ADGRL2: variants seen among roughly 807,000 people sequenced by gnomAD.
ADGRL2 encodes the protein adhesion G protein-coupled receptor L2.
ADGRL2 carries 44 observed loss-of-function variants against 157.4 expected under a neutral mutation model. The observed-to-expected ratio is 0.28, with a 90% CI of 0.22 to 0.36. ADGRL2 has a LOEUF of 0.36. Ranked by LOEUF, ADGRL2 falls within the 10% of genes least tolerant of loss-of-function variation. The probability of loss-of-function intolerance (pLI) is 1.00; values close to 1 mark genes in which losing one functional copy is unlikely to be tolerated. For missense variants in ADGRL2, 1,510 were observed against 1,768.9 expected (o/e 0.85, Z 2.63); for synonymous variants, 585 against 624.7 (o/e 0.94, Z 0.95).
intron 1 of ADGRL2, among the ~76,000 whole-genome samples, chr1:81,807,161 G>A (rs1472021401): frequency 1.3e-5 from 2 of 151,996 alleles, no homozygotes; most frequent in Non-Finnish European, 2.9e-5. Flanking sequence ...TAGCTACTAA[G>A]AGCTGAAAAG....
intron 3 of ADGRL2, among the ~76,000 whole-genome samples, chr1:81,623,853 T>C (rs1273142387): frequency 2.6e-5 from 4 of 152,040 alleles, no homozygotes; most frequent in Middle Eastern, 3.2e-3. Flanking sequence ...GTCAGGCTGG[T>C]CTCGAACTCC....
intron 1 of ADGRL2, among the ~76,000 whole-genome samples, chr1:81,821,613 G>A (rs1469672696): frequency 6.6e-6 from 1 of 151,984 alleles, no homozygotes; most frequent in Admixed American, 6.6e-5. Context: ...TAATATCTAT[G>A]GTTTAATTTA....
intron 2 of ADGRL2, among the ~76,000 whole-genome samples, chr1:81,447,558 C>A (rs2077621243): frequency 6.6e-6 from 1 of 152,050 alleles, no homozygotes; most frequent in South Asian, 2.1e-4. Flanking sequence ...GCTCTAGTCC[C>A]AAATCTGCAT....
intron 2 of ADGRL2, among the ~76,000 whole-genome samples, chr1:81,854,030 T>C (rs1246507397): frequency 6.6e-6 from 1 of 152,194 alleles, no homozygotes; most frequent in Non-Finnish European, 1.5e-5. Flanking sequence ...AAAGAGTTTA[T>C]GGCCTGCCTT....
chr1:81,334,145 G>A (rs1289685564), intron 1 of ADGRL2, among the ~76,000 whole-genome samples: 1 of 152,158 alleles, frequency 6.6e-6, no homozygotes, highest in African/African-American at 2.4e-5. Context: ...TAGCATAATG[G>A]TTAATAGCAC....
chr1:81,965,866 G>A (rs1656893429), intron 11 of ADGRL2, among the ~76,000 whole-genome samples, 192 bp from the exon 12 acceptor site: 1 of 152,148 alleles, frequency 6.6e-6, no homozygotes, highest in Admixed American at 6.6e-5. Context: ...TTTTTGAGAA[G>A]TGAATATTTA....
intron 3 of ADGRL2, among the ~76,000 whole-genome samples, chr1:81,618,963 G>A (rs1054630824): frequency 4.6e-5 from 7 of 151,938 alleles, no homozygotes; most frequent in Non-Finnish European, 8.8e-5. Flanking sequence ...TCCACTCAGA[G>A]ATTATCTCTT....
At chr1:81,419,236 C>T (rs190704255) in intron 1 of ADGRL2, among the ~76,000 whole-genome samples, 55 of 152,298 alleles carry the variant, frequency 3.6e-4, no homozygotes, top group African/African-American at 1.3e-3. Context: ...CGGAGTCTTG[C>T]TCTGTCACCC....
chr1:81,651,546 T>C (rs1234996535), intron 3 of ADGRL2, among the ~76,000 whole-genome samples: 1 of 152,152 alleles, frequency 6.6e-6, no homozygotes, highest in Non-Finnish European at 1.5e-5. Flanking sequence ...CTGTAACAAA[T>C]GTGGAGAATA....
chr1:81,511,703 G>T (rs2079081511), intron 2 of ADGRL2, among the ~76,000 whole-genome samples: 1 of 151,942 alleles, frequency 6.6e-6, no homozygotes, highest in Non-Finnish European at 1.5e-5. Flanking sequence ...GTCTTTTAAG[G>T]CAGGGAAAGT....
chr1:81,938,761 A>C (rs2095346279), intron 4 of ADGRL2, among the ~76,000 whole-genome samples: 1 of 151,338 alleles, frequency 6.6e-6, no homozygotes, highest in Admixed American at 6.6e-5. Flanking sequence ...CTAATATTAA[A>C]ATACAATGCA....
At chr1:81,970,640 T>C in intron 16 of ADGRL2, 106 bp downstream of exon 16, 1 of 797,660 alleles carries the variant, frequency 1.3e-6, no homozygotes, top group Middle Eastern at 3.7e-4. Flanking sequence ...TCTGAAAGCT[T>C]TATTGGTAAG....
chr1:81,963,636 T>C (rs1244342400), intron 11 of ADGRL2, among the ~76,000 whole-genome samples: 2 of 151,844 alleles, frequency 1.3e-5, no homozygotes, highest in East Asian at 3.9e-4. Context: ...TTTGTTTCTG[T>C]GAATACTTTT....
At chr1:81,684,956 G>A (rs1446073738) in intron 3 of ADGRL2, among the ~76,000 whole-genome samples, 1 of 151,990 alleles carries the variant, frequency 6.6e-6, no homozygotes, top group Non-Finnish European at 1.5e-5. Context: ...AAGTATTTGG[G>A]TTTATTTCTG....
intron 1 of ADGRL2, among the ~76,000 whole-genome samples, chr1:81,812,425 G>A (rs2089971281): frequency 6.6e-6 from 1 of 151,694 alleles, no homozygotes; most frequent in Non-Finnish European, 1.5e-5. Context: ...GATTACAAAT[G>A]TGCCTTATCA....
At chr1:81,977,050 T>C (rs551773185) in intron 17 of ADGRL2, among the ~76,000 whole-genome samples, 1 of 151,968 alleles carries the variant, frequency 6.6e-6, no homozygotes, top group South Asian at 2.1e-4. Context: ...TTGGTTAATT[T>C]TATATGGGAA....
At chr1:81,710,652 TA>T in intron 1 of ADGRL2, among the ~76,000 whole-genome samples, 2 of 150,842 alleles carry the variant, frequency 1.3e-5, no homozygotes, top group Non-Finnish European at 3.0e-5. Context: ...AAAGAACTTT[TA>T]TTTTTTGTGA....
intron 1 of ADGRL2, among the ~76,000 whole-genome samples, chr1:81,730,026 A>C (rs1037764007): frequency 2.6e-5 from 4 of 152,196 alleles, no homozygotes; most frequent in African/African-American, 7.2e-5. Flanking sequence ...AAGACAGACA[A>C]AGATGTCAAA....
chr1:81,511,655 A>C (rs1343169469), intron 2 of ADGRL2, among the ~76,000 whole-genome samples: 2 of 152,158 alleles, frequency 1.3e-5, no homozygotes, highest in African/African-American at 4.8e-5. Context: ...TTTGTTTGAT[A>C]TGATTCTACT....
Sources: gnomAD v4.1 joint callset for allele counts (sites outside exome capture counted in the v4.1 genomes callset) on GRCh38, gnomAD v4.1.1 for gene constraint, MANE v1.5 for transcripts, NCBI Gene and HGNC (gene_info 2026-07-23, HGNC 2026-07-21) for gene names.